The following IBSP variants were observed in gnomAD, a reference collection of about 807,000 sequenced individuals.
IBSP encodes the protein integrin binding sialoprotein, also known as integrin-binding sialoprotein.
Under a neutral mutation model 25.5 loss-of-function variants are expected in IBSP, and 19 were observed. That is an observed-to-expected ratio of 0.74 (90% CI 0.52 to 1.09). The LOEUF (loss-of-function observed/expected upper bound fraction) is 1.09. Ranked by LOEUF, IBSP falls within the 50% of genes least tolerant of loss-of-function variation. The probability of loss-of-function intolerance (pLI) is 0.00; values close to 1 mark genes in which losing one functional copy is unlikely to be tolerated. For synonymous variants in IBSP, 144 were observed against 137.6 expected (o/e 1.05, Z -0.33); for missense variants, 360 against 382.3 (o/e 0.94, Z 0.49).
intron 5 of IBSP, among the ~76,000 whole-genome samples, chr4:87,808,427 C>T (rs1417722105): frequency 7.9e-5 from 12 of 152,206 alleles, no homozygotes; most frequent in African/African-American, 2.4e-4. Context: ...GTGATCCGCC[C>T]GCCTCGGCCT....
intron 4 of IBSP, among the ~76,000 whole-genome samples, 157 bp from the exon 5 acceptor site, chr4:87,805,965 G>C (rs1413068514): frequency 6.6e-6 from 1 of 152,144 alleles, no homozygotes; most frequent in African/African-American, 2.4e-5. Flanking sequence ...TATGCAATCT[G>C]TTCTTAGTAA....
intron 5 of IBSP, 86 bp from the exon 6 acceptor site, chr4:87,810,520 C>T: frequency 9.2e-7 from 1 of 1,090,374 alleles, no homozygotes; most frequent in Non-Finnish European, 1.4e-6. Context: ...AAATAATAAA[C>T]CTTCAATAAA....
intron 1 of IBSP, among the ~76,000 whole-genome samples, chr4:87,801,467 C>T (rs1026253057): frequency 1.4e-5 from 2 of 146,092 alleles, no homozygotes; most frequent in South Asian, 4.3e-4. Context: ...CTCTGTCTCT[C>T]ATCCACCCAC....
chr4:87,811,704 C>A lies in IBSP; in HGVS notation c.748C>A (p.Pro250Thr). 6.2e-7 allele frequency: 1 copy of A among 1,613,962 alleles called. No individual in the cohort carries two copies. Among genetic ancestry groups the A allele is most frequent in the Non-Finnish European group, 8.5e-7 (1 of 1,179,962 alleles). Residue 250 changes from proline (P) to threonine (T), a missense_variant, in exon 7 of 7, where the codon CCT (proline) becomes ACT (threonine). Pro to Thr is a conservative substitution (Grantham distance 38, BLOSUM62 -1). Coordinates refer to ENST00000226284, the MANE Select transcript of IBSP (RefSeq NM_004967.4). ...PPQVYRTTSP[P>T]FGKTTTVEYE... ...ACAAGTCTATAGAACCACTTCCCCA[C>A]CTTTTGGGAAAACCACCACCGTTGA... is the stretch of plus-strand genomic sequence containing the variant.
Position 87,812,305 on chromosome 4 carries a change from G to C in IBSP, c.*395G>C, listed in dbSNP as rs998677382. 1 of 166,182 alleles carries C rather than the reference G, an allele frequency of 6.0e-6. No individual in the cohort carries two copies. The highest frequency in any genetic ancestry group is 1.3e-5 in the Non-Finnish European group (1 of 78,092). The allele number at this position is 166,182 out of a possible 1,614,324, so 10.3% of individuals were successfully genotyped here. The stretch of plus-strand genomic sequence containing the variant: ...ATTAATGACACTGTATACAATAAAT[G>C]TGTAGTTTCTTAATCGCACTACCTA... On this transcript the variant is annotated 3_prime_UTR_variant, in exon 7 of 7. Coordinates refer to ENST00000226284, the MANE Select transcript of IBSP (RefSeq NM_004967.4).
At position 87,811,725 on chromosome 4, in the gene IBSP, G is replaced by C; in HGVS notation, c.769G>C (p.Val257Leu). 2.5e-6 allele frequency: 4 copies of C among 1,614,052 alleles called. No homozygotes were observed. Among genetic ancestry groups the C allele is most frequent in the Non-Finnish European group, 3.4e-6 (4 of 1,180,002 alleles). ...CCCACCTTTTGGGAAAACCACCACC[G>C]TTGAATACGAGGGGGAGTACGAATA... ...TSPPFGKTTT[V>L]EYEGEYEYTG... The change falls in exon 7 of 7, where the codon GTT (valine) becomes CTT (leucine). Residue 257 changes from valine to leucine, a missense_variant. Physicochemically the swap from Val to Leu is conservative, Grantham distance 32. Coordinates refer to ENST00000226284, the MANE Select transcript of IBSP (RefSeq NM_004967.4).
chr4:87,811,762 A>G lies in IBSP; in HGVS notation c.806A>G (p.Asn269Ser), dbSNP rs766295056. The change falls in exon 7 of 7, where the codon AAT becomes AGT. Residue 269 changes from asparagine to serine, a missense_variant. Physicochemically the swap from Asn to Ser is conservative, Grantham distance 46 (BLOSUM62 1). Transcript: ENST00000226284. Reference protein sequence around the residue: ...YEGEYEYTGANEYDNGYEIYE... With the variant: ...YEGEYEYTGASEYDNGYEIYE... ...GGGGAGTACGAATACACGGGCGCCA[A>G]TGAATACGACAATGGATATGAAATC... 3.1e-6 allele frequency: 5 copies of G among 1,614,010 alleles called. No individual in the cohort carries two copies. Among genetic ancestry groups the G allele is most frequent in the East Asian group, 4.5e-5 (2 of 44,870 alleles).
intron 1 of IBSP, among the ~76,000 whole-genome samples, chr4:87,801,761 C>T (rs933003271): frequency 2.6e-5 from 4 of 151,974 alleles, no homozygotes; most frequent in African/African-American, 4.8e-5. Context: ...CTCAGCCTCT[C>T]GAGTAACTAG....
At chr4:87,806,054 A>T in intron 4 of IBSP, 68 bp from the exon 5 acceptor site, 1 of 1,183,534 alleles carries the variant, frequency 8.4e-7, no homozygotes, top group Non-Finnish European at 1.2e-6. Flanking sequence ...ATTAGCAGGA[A>T]ATTTAAATTG....
In IBSP at chr4:87,807,641, G is replaced by C. The variant is rs186640219; in HGVS notation, c.246+1457G>C. Among the ~76,000 whole-genome samples, 12 of 152,278 alleles carry C rather than the reference G, an allele frequency of 7.9e-5. 1 individual carries two copies. In the East Asian group the frequency reaches 2.3e-3, roughly 29 times the overall value. On this transcript the variant is annotated intron_variant, in intron 5 of 6. Transcript: ENST00000226284. Reference sequence around the variant, plus strand: ...TCCCAACTAGATTGCATAACTTTTGGGAGTGGCTCTTCGTTTGTTGTTGTG... The same window carrying C: ...TCCCAACTAGATTGCATAACTTTTGCGAGTGGCTCTTCGTTTGTTGTTGTG...
chr4:87,804,085 G>GT (rs1377277821), intron 4 of IBSP, among the ~76,000 whole-genome samples: 5 of 152,176 alleles, frequency 3.3e-5, no homozygotes, highest in African/African-American at 1.2e-4. Context: ...TAATATACAA[G>GT]TTTTTTCACA....
chr4:87,800,066 T>C (rs1721992780), intron 1 of IBSP, among the ~76,000 whole-genome samples: 1 of 152,202 alleles, frequency 6.6e-6, no homozygotes, highest in Non-Finnish European at 1.5e-5. Flanking sequence ...GGTTTTGATG[T>C]TTCCTATAGC....
chr4:87,810,840 T>G (rs1722160717), intron 6 of IBSP, 76 bp downstream of exon 6: 1 of 1,345,974 alleles, frequency 7.4e-7, no homozygotes. Context: ...TTTTTTAAAC[T>G]TTTTAACTGG....
intron 4 of IBSP, among the ~76,000 whole-genome samples, chr4:87,803,746 A>T (rs2110056396): frequency 6.6e-6 from 1 of 152,328 alleles, no homozygotes; most frequent in South Asian, 2.1e-4. Flanking sequence ...GGCCACAAAA[A>T]TATGAGCATG....
At chr4:87,801,155 G>T (rs1352510804) in intron 1 of IBSP, among the ~76,000 whole-genome samples, 1 of 151,984 alleles carries the variant, frequency 6.6e-6, no homozygotes, top group Admixed American at 6.6e-5. Flanking sequence ...AGATTATTCA[G>T]GCCCTATTCC....
chr4:87,802,222 T>C (rs543683792), intron 1 of IBSP, 126 bp from the exon 2 acceptor site: 2 of 599,856 alleles, frequency 3.3e-6, no homozygotes, highest in East Asian at 2.9e-5. Flanking sequence ...AATTTAGTTT[T>C]AATTAGTCAA....
At chr4:87,807,692 G>A (rs954160655) in intron 5 of IBSP, among the ~76,000 whole-genome samples, 2 of 152,168 alleles carry the variant, frequency 1.3e-5, no homozygotes, top group Non-Finnish European at 2.9e-5. Context: ...GGAAGACTAG[G>A]ACTTCTTTGG....
chr4:87,812,068 G>A lies in IBSP; in HGVS notation c.*158G>A. 1 of 544,118 alleles carries A rather than the reference G, an allele frequency of 1.8e-6. No individual in the cohort carries two copies. The highest frequency in any genetic ancestry group is 3.1e-6 in the Non-Finnish European group (1 of 321,922). 33.7% of individuals were successfully genotyped at this position (544,118 alleles called of 1,614,324 possible). ...CTGTAATTGCTTCTGCAAAGTAATA[G>A]GCTTCTTGTCCCTTTTTTTTCTGGC... On this transcript the variant is annotated 3_prime_UTR_variant, in exon 7 of 7. Transcript: ENST00000226284.
chr4:87,800,053 T>C (rs1382189644), intron 1 of IBSP, among the ~76,000 whole-genome samples: 3 of 152,182 alleles, frequency 2.0e-5, no homozygotes, highest in African/African-American at 7.2e-5. Context: ...ATATTAAACA[T>C]TAGGTTTTGA....
Sources: gnomAD v4.1 joint callset for allele counts (sites outside exome capture counted in the v4.1 genomes callset) on GRCh38, gnomAD v4.1.1 for gene constraint, MANE v1.5 for transcripts, NCBI Gene and HGNC (gene_info 2026-07-23, HGNC 2026-07-21) for gene names.